The following LTF variants were observed in gnomAD, a reference collection of about 807,000 sequenced individuals.
The protein encoded by LTF is epididymis luminal protein 110.
Under a neutral mutation model 87.2 loss-of-function variants are expected in LTF, and 91 were observed. The ratio of observed to expected loss-of-function variants is 1.04; its 90% CI spans 0.88 to 1.24. The LOEUF is 1.24. LTF is among the 50% of genes most tolerant of loss of function. The pLI is 0.00. For synonymous variants in LTF, 378 were observed against 356.1 expected, an observed-to-expected ratio of 1.06 and a Z score of -0.69; for missense variants, 901 against 904.3, an observed-to-expected ratio of 1.00 and a Z score of 0.05.
rs201106212 is a variant in LTF, at chr3:46,445,450, T to C, written c.1358-14A>G. On this transcript the variant is annotated splice_polypyrimidine_tract_variant and intron_variant, in intron 11 of 16. Transcript: ENST00000231751. ...CAGCAAGATATCCTGGCATAACAGA[T>C]GACAGAAAAACAAGTCTTAACCTCC... 6.7e-5 allele frequency: 107 copies of C among 1,605,274 alleles called. No homozygotes were observed. The East Asian group carries it at 1.1e-3, about 16-fold the overall frequency.
chr3:46,469,991 A>G (rs1363713283), intron 2 of LTF, among the ~76,000 whole-genome samples: 1 of 151,712 alleles, frequency 6.6e-6, no homozygotes, highest in Admixed American at 6.6e-5. Flanking sequence ...CCTCCTCTGC[A>G]GGACCCTCTG....
At chr3:46,472,777 G>T (rs2106919703) in intron 1 of LTF, among the ~76,000 whole-genome samples, 1 of 152,170 alleles carries the variant, frequency 6.6e-6, no homozygotes, top group Admixed American at 6.5e-5. Context: ...CAATAATGTT[G>T]TTGCTAAATG....
At chr3:46,474,763 CAAT>C (rs1703338267) in intron 1 of LTF, among the ~76,000 whole-genome samples, 1 of 152,120 alleles carries the variant, frequency 6.6e-6, no homozygotes, top group African/African-American at 2.4e-5. Context: ...TCTTTGATCA[CAAT>C]AAAATCAAAC....
In LTF at chr3:46,455,793, T is replaced by G. The variant is rs1285731579; in HGVS notation, c.499+3A>C. On this transcript the variant is annotated splice_donor_region_variant and intron_variant, in intron 4 of 16. Transcript: ENST00000231751. ...GCCACTCACTATCCCCCAGCCATCTTACCTGCCTCAATGGGCTCAGGTGGA... is the reference window on the plus strand; with the variant it reads ...GCCACTCACTATCCCCCAGCCATCTGACCTGCCTCAATGGGCTCAGGTGGA... 1 of 1,559,170 alleles carries G rather than the reference T, an allele frequency of 6.4e-7. No homozygotes were observed. Among genetic ancestry groups the G allele is most frequent in the East Asian group, 2.3e-5 (1 of 44,360 alleles).
chr3:46,436,826 C>T (rs564112666), intron 16 of LTF, among the ~76,000 whole-genome samples: 66 of 152,338 alleles, frequency 4.3e-4, no homozygotes, highest in African/African-American at 1.4e-3. Context: ...TCAACCTTGG[C>T]ACTATTGACA....
At chr3:46,467,056 TTTC>T (rs1201685317), upstream of LTF, among the ~76,000 whole-genome samples, 1 of 152,078 alleles carries the variant, frequency 6.6e-6, no homozygotes, top group Non-Finnish European at 1.5e-5. Flanking sequence ...GGCAGACTGT[TTTC>T]CTGCTGTGCC....
At chr3:46,438,647 G>A (rs549420986) in intron 15 of LTF, among the ~76,000 whole-genome samples, 8 of 152,230 alleles carry the variant, frequency 5.3e-5, no homozygotes, top group South Asian at 2.1e-4. Context: ...CCTCAGTCAC[G>A]GCAGCTCTCT....
intron 5 of LTF, 53 bp downstream of exon 5, chr3:46,455,242 C>T: frequency 6.2e-7 from 1 of 1,611,938 alleles, no homozygotes; most frequent in Non-Finnish European, 8.5e-7. Context: ...GGCCTCCCGG[C>T]CTGAGGCCAA....
intron 7 of LTF, 23 bp downstream of exon 7, chr3:46,450,472 G>T (rs771559586): frequency 1.3e-6 from 2 of 1,590,750 alleles, no homozygotes; most frequent in Non-Finnish European, 1.7e-6. Context: ...CAAGCAAGTG[G>T]GGAGGACCGT....
chr3:46,455,237 C>T (rs2106878364), intron 5 of LTF, 58 bp downstream of exon 5: 4 of 1,609,314 alleles, frequency 2.5e-6, no homozygotes, highest in South Asian at 2.2e-5. Flanking sequence ...GAAAAGGCCT[C>T]CCGGCCTGAG....
intron 1 of LTF, among the ~76,000 whole-genome samples, chr3:46,484,473 C>T (rs1348017733): frequency 2.0e-5 from 3 of 152,128 alleles, no homozygotes; most frequent in African/African-American, 2.4e-5. Context: ...CTCCAGGCAG[C>T]GTCAGGCCTT....
Position 46,482,546 on chromosome 3 carries a change from AAGGGAAGGGAAGGG to A in LTF, c.-320+2426_-320+2439del, listed in dbSNP as rs1559614525. 4.1e-3 allele frequency among the ~76,000 whole-genome samples: 416 copies of A among 101,596 alleles called. 47 individuals are homozygous for A. Among genetic ancestry groups the A allele is most frequent in the South Asian group, 0.022 (58 of 2,628 alleles). The allele number at this position is 101,596 out of a possible 152,430, so 66.7% of individuals were successfully genotyped here. On this transcript the variant is annotated intron_variant, in intron 1 of 19. Transcript: ENST00000443496. ...AAGGGAAGGGAAGGGAAGGGAAGGG[AAGGGAAGGGAAGGG>A]AAGGGAAGGGAAAGGAAAGGAAGGG...
upstream of LTF, among the ~76,000 whole-genome samples, chr3:46,466,724 G>A (rs1703220447): frequency 6.6e-6 from 1 of 152,178 alleles, no homozygotes; most frequent in Middle Eastern, 3.2e-3. Flanking sequence ...ATTTAAAGTT[G>A]CCATCATCAA....
rs1702458488 is a variant in LTF, at chr3:46,439,316, G to A, written c.1888C>T (p.Gln630Ter). Residue 630 changes from glutamine (Q) to a stop codon, truncating the protein, a stop_gained, in exon 15 of 17, where the codon CAG (glutamine) becomes TAG (stop). Transcript: ENST00000231751. LOFTEE classifies it high-confidence loss of function. ...SRMDKVERLK[Q>*]VLLHQQAKFG... ...CATACCTGTTGGTGGAGCAACACCT[G>A]TTTCAGGCGTTCCACCTTATCCATC... The A allele has an allele frequency of 1.9e-6, 3 of 1,613,060 alleles. No homozygotes were observed. In the South Asian group the frequency reaches 3.3e-5, roughly 18 times the overall value.
At chr3:46,460,365 T>C (rs1469583862) in intron 1 of LTF, among the ~76,000 whole-genome samples, 1 of 152,216 alleles carries the variant, frequency 6.6e-6, no homozygotes, top group Non-Finnish European at 1.5e-5. Flanking sequence ...GGTTGGTAGC[T>C]GAGGTAAATG....
intron 11 of LTF, 57 bp from the exon 12 acceptor site, chr3:46,445,493 G>A: frequency 6.6e-7 from 1 of 1,514,508 alleles, no homozygotes; most frequent in Non-Finnish European, 9.0e-7. Flanking sequence ...CTGGCACATG[G>A]ATTCCAGTGG....
upstream of LTF, among the ~76,000 whole-genome samples, chr3:46,469,193 C>T (rs898558791): frequency 1.7e-4 from 26 of 152,238 alleles, no homozygotes; most frequent in African/African-American, 6.0e-4. Context: ...CTCTGAGTGT[C>T]GCCTGAGGTC....
At chr3:46,448,792 C>T in intron 9 of LTF, 71 bp downstream of exon 9, 1 of 1,573,058 alleles carries the variant, frequency 6.4e-7, no homozygotes, top group Non-Finnish European at 8.6e-7. Context: ...GTTGACTTCA[C>T]TTTAAGCAGA....
At chr3:46,461,786 T>G (rs1424007342) in intron 1 of LTF, among the ~76,000 whole-genome samples, 2 of 152,060 alleles carry the variant, frequency 1.3e-5, no homozygotes, top group Non-Finnish European at 2.9e-5. Flanking sequence ...ATATGGAAAA[T>G]GTACCTCAGT....
Sources: gnomAD v4.1 joint callset for allele counts (sites outside exome capture counted in the v4.1 genomes callset) on GRCh38, gnomAD v4.1.1 for gene constraint, MANE v1.5 for transcripts, NCBI Gene and HGNC (gene_info 2026-07-23, HGNC 2026-07-21) for gene names.